Variants in USP12 observed in about 807,000 individuals in gnomAD.
The protein encoded by USP12 is ubiquitin specific peptidase 12, also known as ubiquitin carboxyl-terminal hydrolase 12.
USP12 carries 19 observed loss-of-function variants against 45.5 expected under a neutral mutation model. The ratio of observed to expected loss-of-function variants is 0.42; its 90% confidence interval spans 0.29 to 0.61. The LOEUF is 0.61. USP12 is among the 20% of genes least tolerant of loss of function. The pLI is 0.22. For missense variants in USP12, 242 were observed against 447.7 expected (o/e 0.54, Z 4.15); for synonymous variants, 149 against 148.8 (o/e 1.00, Z -0.01).
intron 7 of USP12, among the ~76,000 whole-genome samples, chr13:27,072,364 T>C (rs1873286135): frequency 6.6e-6 from 1 of 152,162 alleles, no homozygotes; most frequent in Non-Finnish European, 1.5e-5. Context: ...GGCTTTTTCC[T>C]TTGGCAAAGA....
intron 1 of USP12, among the ~76,000 whole-genome samples, chr13:27,126,589 A>G (rs1327528796): frequency 6.6e-6 from 1 of 152,172 alleles, no homozygotes; most frequent in Non-Finnish European, 1.5e-5. Context: ...CCTTCAAACC[A>G]GGAGGCTGCA....
At chr13:27,164,557 G>A (rs1878267493) in intron 1 of USP12, among the ~76,000 whole-genome samples, 1 of 152,098 alleles carries the variant, frequency 6.6e-6, no homozygotes. Context: ...AAGTCTTCGA[G>A]TTTTGCTGTG....
chr13:27,166,601 A>G (rs1878356025), intron 1 of USP12, among the ~76,000 whole-genome samples: 1 of 152,218 alleles, frequency 6.6e-6, no homozygotes, highest in Non-Finnish European at 1.5e-5. Flanking sequence ...AGAGAAAGTC[A>G]CCAGAAGGTA....
At chr13:27,077,772 AAAG>A (rs1873557841) in intron 6 of USP12, 1 of 152,148 alleles carries the variant, frequency 6.6e-6, no homozygotes, top group South Asian at 2.1e-4. Context: ...AAGGAAGAAA[AAAG>A]AAGTTGATTT....
rs149859431 is a variant in USP12, at chr13:27,162,953, G to A, written c.48+8639C>T. ...GTATTTATCCTTAATTTTTTAACAT[G>A]TATATACAATCCAAAATTTTCCAAT... On this transcript the variant is annotated intron_variant, in intron 1 of 8. Transcript: ENST00000282344. 976 of 152,158 alleles carry A rather than the reference G, an allele frequency of 6.4e-3. 13 individuals are homozygous for A. Among genetic ancestry groups the A allele is most frequent in the African/African-American group, 0.023 (934 of 41,492 alleles). 9.4% of individuals were successfully genotyped at this position (152,158 alleles called of 1,614,324 possible).
At chr13:27,168,188 G>A (rs913338059) in intron 1 of USP12, among the ~76,000 whole-genome samples, 2 of 152,060 alleles carry the variant, frequency 1.3e-5, no homozygotes, top group Non-Finnish European at 2.9e-5. Context: ...CCTTGTAACC[G>A]AGGGTGGGCA....
At chr13:27,088,723 T>A (rs1874183193) in intron 6 of USP12, among the ~76,000 whole-genome samples, 2 of 152,214 alleles carry the variant, frequency 1.3e-5, no homozygotes, top group African/African-American at 4.8e-5. Context: ...AATAGTCTTT[T>A]GTGACTCCAC....
intron 1 of USP12, among the ~76,000 whole-genome samples, chr13:27,154,169 A>G (rs1005694465): frequency 6.6e-5 from 10 of 152,304 alleles, no homozygotes; most frequent in African/African-American, 2.2e-4. Context: ...TAAACCTCCA[A>G]GATTATCTTT....
intron 1 of USP12, among the ~76,000 whole-genome samples, chr13:27,156,434 G>T (rs114351156): frequency 6.6e-6 from 1 of 152,176 alleles, no homozygotes; most frequent in East Asian, 1.9e-4. Flanking sequence ...ATATAGTGAC[G>T]AAACGCAACG....
At chr13:27,088,416 CAAAAAA>C (rs11323861) in intron 6 of USP12, among the ~76,000 whole-genome samples, 1 of 93,658 alleles carries the variant, frequency 1.1e-5, no homozygotes, top group African/African-American at 4.4e-5. Flanking sequence ...GACTCCGTCT[CAAAAAA>C]AAAAAAAAAA....
chr13:27,120,251 T>C (rs1009756093), intron 1 of USP12, among the ~76,000 whole-genome samples: 10 of 152,214 alleles, frequency 6.6e-5, no homozygotes, highest in Non-Finnish European at 1.5e-4. Flanking sequence ...TCAATAATAA[T>C]AGCTCCATTC....
chr13:27,163,385 T>C (rs1403518262), intron 1 of USP12, among the ~76,000 whole-genome samples: 1 of 152,254 alleles, frequency 6.6e-6, no homozygotes, highest in East Asian at 1.9e-4. Context: ...TGGTATCCCA[T>C]CCCTCCATGT....
chr13:27,082,768 TGAGA>T (rs1219543045), intron 6 of USP12, among the ~76,000 whole-genome samples: 1 of 152,190 alleles, frequency 6.6e-6, no homozygotes, highest in Non-Finnish European at 1.5e-5. Context: ...TAAAGAGGCC[TGAGA>T]GAGAGGTAGG....
Position 27,140,271 on chromosome 13 carries a change from G to A in USP12, c.49-23675C>T, listed in dbSNP as rs552539843. 1.2e-4 allele frequency among the ~76,000 whole-genome samples: 19 copies of A among 152,214 alleles called. No individual in the cohort carries two copies. In the East Asian group the frequency reaches 1.3e-3, roughly 11 times the overall value. ...CAGTGGTTTCAGAAGTACTGATGACGTTCTATTTCTTAATATTGGAGCTAG... is the reference window on the plus strand; with the variant it reads ...CAGTGGTTTCAGAAGTACTGATGACATTCTATTTCTTAATATTGGAGCTAG... On this transcript the variant is annotated intron_variant, in intron 1 of 8. Transcript: ENST00000282344.
At chr13:27,124,077 G>A (rs1235217412) in intron 1 of USP12, among the ~76,000 whole-genome samples, 1 of 152,122 alleles carries the variant, frequency 6.6e-6, no homozygotes. Flanking sequence ...AATAATCTGG[G>A]AGATGGCTAT....
chr13:27,069,302 AAAAGGATGT>A lies in USP12; in HGVS notation c.1085_1093del (p.Tyr362_Leu364del). On this transcript the variant is annotated inframe_deletion, in exon 9 of 9. Transcript: ENST00000282344. ...TCCCTCTCAGTCCCGAGACTGATAG[AAAAGGATGT>A]AACCAGACTCAGAGTTCTTTGAGAT... 6.2e-7 allele frequency: 1 copy of A among 1,611,826 alleles called. No individual in the cohort carries two copies. Among genetic ancestry groups the A allele is most frequent in the Non-Finnish European group, 8.5e-7 (1 of 1,179,516 alleles).
rs369691146 is a variant in USP12, at chr13:27,095,666, T to A, written c.508A>T (p.Thr170Ser). Residue 170 changes from threonine to serine, a missense_variant, in exon 4 of 9, where the codon ACG becomes TCG. Physicochemically the swap from Thr to Ser is moderately conservative, Grantham distance 58. Around this residue, in one of 5 missense-constraint regions of USP12, gnomAD observed 40 missense variants for 38.6 expected, o/e 1.04. Transcript: ENST00000282344. Reference sequence around the variant, plus strand: ...CCCTGAAAAATCTCATGAACCCACGTTGGGTCTGGTGTGCTGTTATTATTT... The same window carrying A: ...CCCTGAAAAATCTCATGAACCCACGATGGGTCTGGTGTGCTGTTATTATTT... ...NENNNSTPDPTWVHEIFQGTL... is the reference protein window; with the variant it reads ...NENNNSTPDPSWVHEIFQGTL... The A allele has an allele frequency of 6.2e-7, 1 of 1,612,584 alleles. No individual in the cohort carries two copies. The highest frequency in any genetic ancestry group is 8.5e-7 in the Non-Finnish European group (1 of 1,179,370).
At chr13:27,143,221 C>A (rs1877152703) in intron 1 of USP12, among the ~76,000 whole-genome samples, 1 of 150,908 alleles carries the variant, frequency 6.6e-6, no homozygotes, top group Non-Finnish European at 1.5e-5. Flanking sequence ...TATTATCAAA[C>A]AACTAAACAC....
At chr13:27,091,722 A>G (rs946001496) in intron 4 of USP12, among the ~76,000 whole-genome samples, 1 of 152,172 alleles carries the variant, frequency 6.6e-6, no homozygotes, top group African/African-American at 2.4e-5. Context: ...GCAACCGACA[A>G]TGAAACCCTG....
Sources: allele counts gnomAD v4.1 joint callset (sites outside exome capture counted in the v4.1 genomes callset), GRCh38; gene constraint gnomAD v4.1.1; regional missense constraint gnomAD v4.1.1; transcripts MANE v1.5; gene names NCBI Gene and HGNC (gene_info 2026-07-23, HGNC 2026-07-21).